The following MTSS1 variants were observed in gnomAD, a reference collection of about 807,000 sequenced individuals.
MTSS1 encodes MTSS I-BAR domain containing 1, also known as protein MTSS 1.
A neutral mutation model predicts 79.0 loss-of-function variants in MTSS1; 18 were observed. The ratio of observed to expected loss-of-function variants is 0.23; its 90% CI spans 0.16 to 0.34. The LOEUF is 0.34. MTSS1 is among the 10% of genes least tolerant of loss of function. MTSS1 has a pLI of 1.00. For missense variants in MTSS1, 815 were observed against 986.2 expected (o/e 0.83, Z 2.33); for synonymous variants, 341 against 368.6 (o/e 0.93, Z 0.86).
chr8:124,644,005 G>A (rs1818560228), intron 3 of MTSS1, among the ~76,000 whole-genome samples: 1 of 152,110 alleles, frequency 6.6e-6, no homozygotes, highest in Non-Finnish European at 1.5e-5. Context: ...GCACACTAAA[G>A]AGAAGCCAAC....
chr8:124,698,967 A>G (rs1356842689), intron 3 of MTSS1: 7 of 152,414 alleles, frequency 4.6e-5, no homozygotes, highest in Admixed American at 2.0e-4. Context: ...AACATACTTT[A>G]AACATCTCCT....
At chr8:124,661,326 T>G (rs1821987922) in intron 3 of MTSS1, among the ~76,000 whole-genome samples, 1 of 151,952 alleles carries the variant, frequency 6.6e-6, no homozygotes, top group East Asian at 1.9e-4. Context: ...CTTCTAGGTT[T>G]TTTTTTTTTC....
In MTSS1 at chr8:124,727,827, C is replaced by G. The variant is rs1021203688; in HGVS notation, c.72+57G>C. The G allele has an allele frequency of 5.5e-5, 79 of 1,441,412 alleles. 2 individuals are homozygous for G. In the Middle Eastern group the frequency reaches 1.3e-3, roughly 24 times the overall value. 89.3% of individuals were successfully genotyped at this position (1,441,412 alleles called of 1,614,324 possible). On this transcript the variant is annotated intron_variant, in intron 1 of 13. Coordinates refer to ENST00000518547, the MANE Select transcript of MTSS1 (RefSeq NM_014751.6). This position sits in a 1 kb window ranked among gnomAD's most constrained non-coding sequence, Gnocchi z 4.7. ...CCCGGCCCGGGGTGGAGGCGAAGCG[C>G]GGCGGCGAGGTCAGAGCGCGGCGGC...
intron 8 of MTSS1, 103 bp from the exon 9 acceptor site, chr8:124,565,862 G>T: frequency 2.1e-6 from 2 of 954,858 alleles, no homozygotes; most frequent in Non-Finnish European, 3.1e-6. Flanking sequence ...CCATCGTGGG[G>T]GTGGGAATGA....
intron 1 of MTSS1, among the ~76,000 whole-genome samples, chr8:124,720,757 C>A (rs1217022280): frequency 1.3e-5 from 2 of 152,222 alleles, no homozygotes; most frequent in African/African-American, 4.8e-5. Flanking sequence ...AATTACTCCA[C>A]TGATTCTAAG....
At chr8:124,715,473 G>A (rs535738680) in intron 1 of MTSS1, among the ~76,000 whole-genome samples, 14 of 152,030 alleles carry the variant, frequency 9.2e-5, no homozygotes, top group African/African-American at 3.1e-4. Flanking sequence ...CATCCACCCT[G>A]GGGCAAGCAC....
In MTSS1 at chr8:124,555,941, A is replaced by G. The variant is rs201472256; in HGVS notation, c.1405-37T>C. 2.4e-3 allele frequency: 3,431 copies of G among 1,422,452 alleles called. 52 individuals are homozygous for G. In the African/African-American group the frequency reaches 0.036, roughly 15 times the overall value. 88.1% of individuals were successfully genotyped at this position (1,422,452 alleles called of 1,614,324 possible). A position where few individuals can be genotyped will look rare whatever the true frequency, so the allele number is the denominator to read the frequency against. The stretch of plus-strand genomic sequence containing the variant: ...AGGAGAGAAATACACAGGTTGCTTT[A>G]GGGGGGGGGCTCAACAGCACTCCTG... On this transcript the variant is annotated intron_variant, in intron 12 of 13. Coordinates refer to ENST00000518547, the MANE Select transcript of MTSS1 (RefSeq NM_014751.6).
In MTSS1 at chr8:124,582,658, G is replaced by A. The variant is rs774250476; in HGVS notation, c.460+2429C>T. ...ATGTATCCAAAACCTTCATCCATCC[G>A]AACGCGTGGTGCGTCAGAAGGAACT... On this transcript the variant is annotated intron_variant, in intron 6 of 13. Transcript: ENST00000518547. This position sits in a 1 kb window ranked among gnomAD's most constrained non-coding sequence, Gnocchi z 4.8. Among the ~76,000 whole-genome samples, 54 of 152,060 alleles carry A rather than the reference G, an allele frequency of 3.6e-4. No homozygotes were observed. The highest frequency in any genetic ancestry group is 1.0e-3 in the African/African-American group (43 of 41,396).
At chr8:124,601,624 T>G (rs1833832027) in intron 3 of MTSS1, among the ~76,000 whole-genome samples, 1 of 152,232 alleles carries the variant, frequency 6.6e-6, no homozygotes, top group South Asian at 2.1e-4. Context: ...GGCAGGGGTC[T>G]TTTCACCTTG....
intron 6 of MTSS1, among the ~76,000 whole-genome samples, chr8:124,574,826 C>A (rs1394544787): frequency 6.6e-6 from 1 of 152,182 alleles, no homozygotes; most frequent in Non-Finnish European, 1.5e-5. Flanking sequence ...CCATTAGAAT[C>A]CTGCAAAATG....
chr8:124,672,890 T>A (rs538622762), intron 3 of MTSS1, among the ~76,000 whole-genome samples: 1 of 149,872 alleles, frequency 6.7e-6, no homozygotes, highest in Non-Finnish European at 1.5e-5. Context: ...CACACACACA[T>A]GCACACACAC....
intron 3 of MTSS1, among the ~76,000 whole-genome samples, chr8:124,676,384 A>C (rs575436933): frequency 6.6e-6 from 1 of 152,292 alleles, no homozygotes; most frequent in African/African-American, 2.4e-5. Context: ...TTGCCATCTA[A>C]TTTAGTGACC....
chr8:124,647,178 C>T (rs1040328296), intron 3 of MTSS1, among the ~76,000 whole-genome samples: 2 of 152,186 alleles, frequency 1.3e-5, no homozygotes, highest in East Asian at 1.9e-4. Flanking sequence ...AATTTACCTA[C>T]ATTTTCAAAA....
intron 9 of MTSS1, 22 bp downstream of exon 9, chr8:124,565,640 A>G (rs1227097775): frequency 6.3e-7 from 1 of 1,598,358 alleles, no homozygotes; most frequent in Non-Finnish European, 8.6e-7. Flanking sequence ...TGAAAGCAAG[A>G]GTGGACCCCG....
intron 3 of MTSS1, among the ~76,000 whole-genome samples, chr8:124,602,343 G>A (rs1006830114): frequency 1.6e-4 from 24 of 151,560 alleles, no homozygotes; most frequent in Non-Finnish European, 2.6e-4. Flanking sequence ...GGGGCTACAA[G>A]TGTGCACTAC....
chr8:124,571,277 T>C (rs1289595038), intron 6 of MTSS1, among the ~76,000 whole-genome samples: 2 of 152,270 alleles, frequency 1.3e-5, no homozygotes, highest in Non-Finnish European at 2.9e-5. Flanking sequence ...ACCAGCACTA[T>C]GAAAACTGTG....
rs376386411 is a variant in MTSS1 at position 124,721,031 on chromosome 8, G to A, written c.72+6853C>T. 2.6e-5 allele frequency among the ~76,000 whole-genome samples: 4 copies of A among 152,160 alleles called. No homozygotes were observed. The East Asian group carries it at 7.7e-4, about 29-fold the overall frequency. On this transcript the variant is annotated intron_variant, in intron 1 of 13. Transcript: ENST00000518547. ...ACTCTAGCTCCAGAATTTCTATGGA[G>A]GGGTTTAGGGGCAGTGTTGTAGCCA...
chr8:124,560,941 C>T (rs183470419), intron 10 of MTSS1, among the ~76,000 whole-genome samples: 3 of 152,260 alleles, frequency 2.0e-5, no homozygotes, highest in African/African-American at 4.8e-5. Flanking sequence ...AGGGCTCCTG[C>T]GCCTCCTAGA....
chr8:124,566,200 A>C (rs1383337463), intron 8 of MTSS1: 1 of 154,602 alleles, frequency 6.5e-6, no homozygotes, highest in East Asian at 1.9e-4. Flanking sequence ...TTTGACCAGC[A>C]CTAGAAATTT....
Sources: gnomAD v4.1 joint callset for allele counts (sites outside exome capture counted in the v4.1 genomes callset) on GRCh38, gnomAD v4.1.1 for gene constraint, Gnocchi (gnomAD v3.1) non-coding constraint, MANE v1.5 for transcripts, NCBI Gene and HGNC (gene_info 2026-07-23, HGNC 2026-07-21) for gene names.